Variants in RNF187 observed in about 807,000 individuals in gnomAD.
The protein encoded by RNF187 is E3 ubiquitin-protein ligase RNF187.
Under a neutral mutation model 22.2 loss-of-function variants are expected in RNF187, and 18 were observed. That is an observed-to-expected ratio of 0.81 (90% CI 0.56 to 1.20). The LOEUF (loss-of-function observed/expected upper bound fraction) is 1.20. Ranked by LOEUF, RNF187 falls within the 50% of genes most tolerant of loss-of-function variation. RNF187 has a pLI of 0.00. For missense variants in RNF187, 329 were observed against 317.6 expected (o/e 1.04, Z -0.27); for synonymous variants, 164 against 140.9 (o/e 1.16, Z -1.16).
chr1:228,495,783 A>G lies in RNF187; in HGVS notation c.*1898A>G. 2.0e-5 allele frequency: 19 copies of G among 967,978 alleles called. No individual in the cohort carries two copies. Among genetic ancestry groups the G allele is most frequent in the East Asian group, 2.3e-4 (2 of 8,730 alleles). The allele number at this position is 967,978 out of a possible 1,614,324, so 60.0% of individuals were successfully genotyped here. On this transcript the variant is annotated 3_prime_UTR_variant, in exon 4 of 4. Coordinates refer to ENST00000305943, the MANE Select transcript of RNF187 (RefSeq NM_001010858.3). ...GGCACAGTGTGATGTTTTGATATCT[A>G]TGTACATTGTGGAGTGACAGATTAA...
At chr1:228,488,630 C>T in intron 1 of RNF187, 2 of 210,136 alleles carry the variant, frequency 9.5e-6, no homozygotes, top group Non-Finnish European at 1.9e-5. Context: ...GACCCCCATC[C>T]GGCTCAGGCA....
In RNF187 at chr1:228,495,275, TGCAG is replaced by T; in HGVS notation, c.*1400_*1403del. On this transcript the variant is annotated 3_prime_UTR_variant, in exon 4 of 4. Coordinates refer to ENST00000305943, the MANE Select transcript of RNF187 (RefSeq NM_001010858.3). ...TAAACCCACCTCACAGAGTCCTTGC[TGCAG>T]GCAGGCAGGGCGATCAGACATTGGC... The T allele has an allele frequency of 4.3e-6, 1 of 231,766 alleles. No homozygotes were observed. The highest frequency in any genetic ancestry group is 7.1e-6 in the Non-Finnish European group (1 of 141,010). The allele number at this position is 231,766 out of a possible 1,614,324, so 14.4% of individuals were successfully genotyped here. A position where few individuals can be genotyped will look rare whatever the true frequency, so the allele number is the denominator to read the frequency against.
chr1:228,493,810 T>TG lies in RNF187; in HGVS notation c.706-72dup. On this transcript the variant is annotated intron_variant, in intron 3 of 3. Coordinates refer to ENST00000305943, the MANE Select transcript of RNF187 (RefSeq NM_001010858.3). The surrounding 1 kb of genome is among the most constrained non-coding windows in gnomAD (Gnocchi z 4.7). The stretch of plus-strand genomic sequence containing the variant: ...CGCTCTCTCTTTCGCTCTCTCCTTT[T>TG]GCCTCTGTCTCTGACTCTGTGTGTC... 1 of 1,483,666 alleles carries TG rather than the reference T, an allele frequency of 6.7e-7. No individual in the cohort carries two copies. The highest frequency in any genetic ancestry group is 2.5e-5 in the East Asian group (1 of 40,576). The allele number at this position is 1,483,666 out of a possible 1,614,324, so 91.9% of individuals were successfully genotyped here.
At chr1:228,491,406 A>AT in intron 2 of RNF187, among the ~76,000 whole-genome samples, 6 of 149,236 alleles carry the variant, frequency 4.0e-5, no homozygotes, top group East Asian at 3.9e-4. Context: ...AAAAAAAAAA[A>AT]AAATAAAGGG....
chr1:228,491,986 C>A, intron 2 of RNF187, among the ~76,000 whole-genome samples: 1 of 152,088 alleles, frequency 6.6e-6, no homozygotes, highest in Admixed American at 6.5e-5. Flanking sequence ...ATGGGGAGGG[C>A]GTCTTTCACT....
Position 228,493,402 on chromosome 1 carries a change from T to TG in RNF187, c.705+129dup. 1 of 1,442,040 alleles carries TG rather than the reference T, an allele frequency of 6.9e-7. No homozygotes were observed. The highest frequency in any genetic ancestry group is 2.5e-5 in the East Asian group (1 of 40,054). The allele number at this position is 1,442,040 out of a possible 1,614,324, so 89.3% of individuals were successfully genotyped here. On this transcript the variant is annotated intron_variant, in intron 3 of 3. Transcript: ENST00000305943. The surrounding 1 kb of genome is among the most constrained non-coding windows in gnomAD (Gnocchi z 4.7). ...AGCCTGACTCCCACTGCCGTGGCCTTGCAGGGCTGAATTTCGGGAATGGGT... is the reference window on the plus strand; with the variant it reads ...AGCCTGACTCCCACTGCCGTGGCCTTGGCAGGGCTGAATTTCGGGAATGGGT...
chr1:228,488,299 G>A, intron 1 of RNF187: 1 of 153,122 alleles, frequency 6.5e-6, no homozygotes, highest in Admixed American at 6.5e-5. Flanking sequence ...TCTTCCCTTG[G>A]GGGAGACATC....
chr1:228,490,270 G>A, intron 2 of RNF187, among the ~76,000 whole-genome samples: 2,451 of 152,266 alleles, frequency 0.016, 61 homozygotes, highest in African/African-American at 0.057. Context: ...GGCCTGAGGT[G>A]CAGGCCTCCC....
Position 228,495,438 on chromosome 1 carries a change from A to G in RNF187, c.*1553A>G. 0.1 allele frequency: 100,069 copies of G among 977,484 alleles called. 5,705 individuals carry two copies. Among genetic ancestry groups the G allele is most frequent in the East Asian group, 0.27 (2,344 of 8,750 alleles). The allele number at this position is 977,484 out of a possible 1,614,324, so 60.6% of individuals were successfully genotyped here. On this transcript the variant is annotated 3_prime_UTR_variant, in exon 4 of 4. Coordinates refer to ENST00000305943, the MANE Select transcript of RNF187 (RefSeq NM_001010858.3). ...AGAGGGCCCTAGGAGAAGATTCCAGAGCCTGGCCAGAGTTTGGCCAAGTAG... is the reference window on the plus strand; with the variant it reads ...AGAGGGCCCTAGGAGAAGATTCCAGGGCCTGGCCAGAGTTTGGCCAAGTAG...
chr1:228,489,289 G>A, intron 2 of RNF187, among the ~76,000 whole-genome samples: 3 of 152,164 alleles, frequency 2.0e-5, no homozygotes, highest in African/African-American at 7.2e-5. Context: ...CATTTTACCT[G>A]TAGGTGATGG....
chr1:228,493,703 T>A lies in RNF187; in HGVS notation c.706-180T>A. On this transcript the variant is annotated intron_variant, in intron 3 of 3. Transcript: ENST00000305943. The surrounding 1 kb of genome is among the most constrained non-coding windows in gnomAD (Gnocchi z 4.7). Reference sequence around the variant, plus strand: ...CCGTGCCAGCCATAGGTGACAAGGCTTTGGCCCTGGGGAGACGGAAGTCTG... The same window carrying A: ...CCGTGCCAGCCATAGGTGACAAGGCATTGGCCCTGGGGAGACGGAAGTCTG... 3.3e-5 allele frequency among the ~76,000 whole-genome samples: 5 copies of A among 152,202 alleles called. No homozygotes were observed. Among genetic ancestry groups the A allele is most frequent in the Non-Finnish European group, 5.9e-5 (4 of 68,014 alleles).
chr1:228,492,665 G>C, intron 2 of RNF187, among the ~76,000 whole-genome samples: 1 of 112,862 alleles, frequency 8.9e-6, no homozygotes, highest in Non-Finnish European at 1.7e-5. Context: ...TCGCTCTGTC[G>C]CCCAGGCTGG....
At chr1:228,489,493 T>A in intron 2 of RNF187, among the ~76,000 whole-genome samples, 1 of 152,144 alleles carries the variant, frequency 6.6e-6, no homozygotes, top group Non-Finnish European at 1.5e-5. Flanking sequence ...GAGGTGGGGG[T>A]CTTGCTGTGT....
Position 228,494,080 on chromosome 1 carries a change from C to T in RNF187, c.*195C>T. On this transcript the variant is annotated 3_prime_UTR_variant, in exon 4 of 4. Coordinates refer to ENST00000305943, the MANE Select transcript of RNF187 (RefSeq NM_001010858.3). ...TGTTTTGGGGGCTGCAAACACCTCC[C>T]GGTAGAGGCTGGACCTGAGGACCCT... is the stretch of plus-strand genomic sequence containing the variant. 2.4e-5 allele frequency: 35 copies of T among 1,486,014 alleles called. No individual in the cohort carries two copies. The highest frequency in any genetic ancestry group is 2.1e-4 in the Middle Eastern group (1 of 4,702). 92.1% of individuals were successfully genotyped at this position (1,486,014 alleles called of 1,614,324 possible). A position where few individuals can be genotyped will look rare whatever the true frequency, so the allele number is the denominator to read the frequency against.
Position 228,495,434 on chromosome 1 carries a change from C to T in RNF187, c.*1549C>T. ...GCAAAGAGGGCCCTAGGAGAAGATT[C>T]CAGAGCCTGGCCAGAGTTTGGCCAA... On this transcript the variant is annotated 3_prime_UTR_variant, in exon 4 of 4. Coordinates refer to ENST00000305943, the MANE Select transcript of RNF187 (RefSeq NM_001010858.3). The T allele has an allele frequency of 3.1e-6, 3 of 978,568 alleles. No individual in the cohort carries two copies. Among genetic ancestry groups the T allele is most frequent in the Non-Finnish European group, 3.6e-6 (3 of 823,850 alleles). The allele number at this position is 978,568 out of a possible 1,614,324, so 60.6% of individuals were successfully genotyped here. A position where few individuals can be genotyped will look rare whatever the true frequency, so the allele number is the denominator to read the frequency against.
At chr1:228,490,328 C>T in intron 2 of RNF187, among the ~76,000 whole-genome samples, 1 of 152,214 alleles carries the variant, frequency 6.6e-6, no homozygotes, top group Non-Finnish European at 1.5e-5. Context: ...CACTCAGACC[C>T]CTGGCACTCC....
chr1:228,487,457 C>T lies in RNF187; in HGVS notation c.-32C>T. 1 of 1,105,742 alleles carries T rather than the reference C, an allele frequency of 9.0e-7. No individual in the cohort carries two copies. The highest frequency in any genetic ancestry group is 5.1e-5 in the Admixed American group (1 of 19,684). 68.5% of individuals were successfully genotyped at this position (1,105,742 alleles called of 1,614,324 possible). On this transcript the variant is annotated 5_prime_UTR_variant, in exon 1 of 4. Coordinates refer to ENST00000305943, the MANE Select transcript of RNF187 (RefSeq NM_001010858.3). The stretch of plus-strand genomic sequence containing the variant: ...GGTCTCCGGCCCTCCCCAGCCGCTC[C>T]TGCGCCCTTGCCGGCCCCGCCGCCC...
chr1:228,493,039 C>A lies in RNF187; in HGVS notation c.484-14C>A. The A allele has an allele frequency of 6.5e-7, 1 of 1,530,666 alleles. No individual in the cohort carries two copies. The highest frequency in any genetic ancestry group is 1.2e-5 in the South Asian group (1 of 81,372). The allele number at this position is 1,530,666 out of a possible 1,614,324, so 94.8% of individuals were successfully genotyped here. Reference sequence around the variant, plus strand: ...GGGTGAGGACACAGGTCTTTTCCTGCCACCCGTTTGCAGGGACACGTGATG... The same window carrying A: ...GGGTGAGGACACAGGTCTTTTCCTGACACCCGTTTGCAGGGACACGTGATG... On this transcript the variant is annotated splice_polypyrimidine_tract_variant and intron_variant, in intron 2 of 3. Transcript: ENST00000305943. The surrounding 1 kb of genome is among the most constrained non-coding windows in gnomAD (Gnocchi z 4.7).
chr1:228,493,278 C>T lies in RNF187; in HGVS notation c.705+4C>T. On this transcript the variant is annotated splice_donor_region_variant and intron_variant, in intron 3 of 3. Transcript: ENST00000305943. This position sits in a 1 kb window ranked among gnomAD's most constrained non-coding sequence, Gnocchi z 4.7. ...GGGCCTCAGCATGCTGCTGCAGGTG[C>T]GGGAGCCCCGCTGGGTCTGCCCACC... is the stretch of plus-strand genomic sequence containing the variant. The T allele has an allele frequency of 4.1e-5, 64 of 1,548,308 alleles. No individual in the cohort carries two copies. Among genetic ancestry groups the T allele is most frequent in the Middle Eastern group, 2.2e-4 (1 of 4,622 alleles).
Sources: gnomAD v4.1 joint callset for allele counts (sites outside exome capture counted in the v4.1 genomes callset) on GRCh38, gnomAD v4.1.1 for gene constraint, Gnocchi (gnomAD v3.1) non-coding constraint, MANE v1.5 for transcripts, NCBI Gene and HGNC (gene_info 2026-07-23, HGNC 2026-07-21) for gene names.